Variants in CDH8 observed in about 807,000 individuals in gnomAD.
CDH8 encodes the protein cadherin 8.
Under a neutral mutation model 68.1 loss-of-function variants are expected in CDH8, and 17 were observed. The observed-to-expected ratio is 0.25, with a 90% CI of 0.17 to 0.37. CDH8 has a LOEUF of 0.37. CDH8 is among the 10% of genes least tolerant of loss of function. The pLI is 1.00. For missense variants in CDH8, 763 were observed against 999.3 expected (o/e 0.76, Z 3.19); for synonymous variants, 372 against 365.1 (o/e 1.02, Z -0.21).
chr16:61,788,566 TG>T (rs1005467240), intron 8 of CDH8, among the ~76,000 whole-genome samples: 9 of 152,074 alleles, frequency 5.9e-5, no homozygotes, highest in African/African-American at 2.2e-4. Context: ...TTCCATTTTT[TG>T]TATAATAAAA....
chr16:61,761,341 T>G (rs1195285533), intron 8 of CDH8, among the ~76,000 whole-genome samples: 1 of 152,090 alleles, frequency 6.6e-6, no homozygotes, highest in Non-Finnish European at 1.5e-5. Context: ...GATTTAGGAG[T>G]AAATTGAAGC....
chr16:61,938,693 A>G (rs1964665362), intron 2 of CDH8, among the ~76,000 whole-genome samples: 1 of 152,142 alleles, frequency 6.6e-6, no homozygotes, highest in South Asian at 2.1e-4. Context: ...TTGTCCAAAG[A>G]TCAACATGTT....
intron 3 of CDH8, among the ~76,000 whole-genome samples, chr16:61,875,893 C>T (rs374135313): frequency 1.7e-4 from 26 of 152,178 alleles, no homozygotes; most frequent in African/African-American, 6.3e-4. Flanking sequence ...CCCTCCACCC[C>T]CAAGATGGAG....
At chr16:61,879,005 G>C (rs1457988321) in intron 3 of CDH8, among the ~76,000 whole-genome samples, 3 of 152,094 alleles carry the variant, frequency 2.0e-5, no homozygotes, top group Non-Finnish European at 4.4e-5. Context: ...TTCTATCTGA[G>C]TAAGATTCAC....
intron 10 of CDH8, among the ~76,000 whole-genome samples, chr16:61,705,543 G>A (rs761356847): frequency 6.6e-6 from 1 of 152,064 alleles, no homozygotes; most frequent in Non-Finnish European, 1.5e-5. Context: ...TGAATAGTAT[G>A]GTTCGACATA....
At chr16:61,919,620 G>C (rs1366940427) in intron 2 of CDH8, among the ~76,000 whole-genome samples, 1 of 150,920 alleles carries the variant, frequency 6.6e-6, no homozygotes, top group African/African-American at 2.5e-5. Flanking sequence ...AGAGAAAAAA[G>C]AATAAAAAGA....
rs146265454 is a variant in CDH8 at position 61,959,558 on chromosome 16, G to GTGTGTGTA, written c.253-58086_253-58085insTACACACA. ...TCTCTCTCTCTGTGTGTGTGTGTGT[G>GTGTGTGTA]TATATATATATGTATGTATATAGAG... is the stretch of plus-strand genomic sequence containing the variant. On this transcript the variant is annotated intron_variant, in intron 2 of 11. Coordinates refer to ENST00000577390, the MANE Select transcript of CDH8 (RefSeq NM_001796.5). 3.3e-3 allele frequency among the ~76,000 whole-genome samples: 478 copies of GTGTGTGTA among 145,224 alleles called. 4 individuals are homozygous for GTGTGTGTA. The highest frequency in any genetic ancestry group is 0.012 in the African/African-American group (464 of 38,756).
intron 3 of CDH8, among the ~76,000 whole-genome samples, chr16:61,871,457 C>T (rs1016952752): frequency 1.3e-5 from 2 of 151,812 alleles, no homozygotes; most frequent in African/African-American, 4.8e-5. Flanking sequence ...AGCCACTGTG[C>T]CCAGCCTACC....
At chr16:61,953,385 T>TCACCATGA (rs1964927048) in intron 2 of CDH8, among the ~76,000 whole-genome samples, 1 of 152,226 alleles carries the variant, frequency 6.6e-6, no homozygotes, top group Non-Finnish European at 1.5e-5. Flanking sequence ...ACAGGAACAC[T>TCACCATGA]ATTAATTTAT....
Position 61,782,264 on chromosome 16 carries a change from T to A in CDH8, c.1414+7082A>T, listed in dbSNP as rs528012577. ...CCGCGAGCCGAAGCAGGGCGAGGCA[T>A]TGCCTCACCTGGGAAGCACAAGGGG... is the stretch of plus-strand genomic sequence containing the variant. On this transcript the variant is annotated intron_variant, in intron 8 of 11. Coordinates refer to ENST00000577390, the MANE Select transcript of CDH8 (RefSeq NM_001796.5). Among the ~76,000 whole-genome samples the A allele has an allele frequency of 1.4e-4, 21 of 152,232 alleles. 1 individual carries two copies. The highest frequency in any genetic ancestry group is 4.8e-4 in the African/African-American group (20 of 41,542).
In CDH8 at chr16:61,653,959, T is replaced by C. The variant is rs1419467671; in HGVS notation, c.2049A>G (p.Ala683=). Residue 683 remains alanine, a synonymous_variant, in exon 12 of 12, where the codon GCA becomes GCG. Coordinates refer to ENST00000577390, the MANE Select transcript of CDH8 (RefSeq NM_001796.5). The part of the protein sequence containing the change: ...GEEDTEAFDI[A]TLQNPDGING... ...TAATTCCATCTGGATTTTGTAAAGTTGCAATGTCAAAAGCCTCTGTGTCCT... is the reference window on the plus strand; with the variant it reads ...TAATTCCATCTGGATTTTGTAAAGTCGCAATGTCAAAAGCCTCTGTGTCCT... The C allele has an allele frequency of 6.2e-7, 1 of 1,614,180 alleles. No individual in the cohort carries two copies. Among genetic ancestry groups the C allele is most frequent in the South Asian group, 1.1e-5 (1 of 91,082 alleles).
chr16:61,756,048 C>A (rs150743764), intron 8 of CDH8, among the ~76,000 whole-genome samples: 33 of 152,076 alleles, frequency 2.2e-4, no homozygotes, highest in African/African-American at 7.9e-4. Context: ...CTCAAACTCC[C>A]GGGCTCAAGT....
chr16:62,001,880 A>C (rs909380971), intron 2 of CDH8, among the ~76,000 whole-genome samples: 8 of 152,078 alleles, frequency 5.3e-5, no homozygotes, highest in African/African-American at 1.9e-4. Context: ...TGAGATCTGG[A>C]TAATGTAGGT....
chr16:61,693,581 G>A (rs933260701), intron 10 of CDH8: 1 of 152,240 alleles, frequency 6.6e-6, no homozygotes, highest in African/African-American at 2.4e-5. Context: ...GTATTGCATA[G>A]TGTACTCCCA....
At chr16:61,886,160 G>A (rs997540342) in intron 3 of CDH8, among the ~76,000 whole-genome samples, 3 of 152,040 alleles carry the variant, frequency 2.0e-5, no homozygotes, top group African/African-American at 4.8e-5. Flanking sequence ...AAAAACTTTC[G>A]AGTTTGTTCA....
chr16:61,672,981 C>A (rs1405110143), intron 10 of CDH8, among the ~76,000 whole-genome samples: 1 of 152,068 alleles, frequency 6.6e-6, no homozygotes, highest in Non-Finnish European at 1.5e-5. Context: ...CATCTTTCTA[C>A]ATCACCAAAG....
chr16:61,671,575 C>A (rs1245413458), intron 10 of CDH8, among the ~76,000 whole-genome samples: 1 of 151,858 alleles, frequency 6.6e-6, no homozygotes, highest in Admixed American at 6.6e-5. Context: ...TTAAAACAGC[C>A]TGTCTAAACA....
At position 61,652,607 on chromosome 16, in the gene CDH8, T is replaced by G; in HGVS notation, c.*1001A>C. ...GCCTGCCATACTCATCTCATCAAAA[T>G]GTACATGTATTAAACATTCATTGTA... is the stretch of plus-strand genomic sequence containing the variant. On this transcript the variant is annotated 3_prime_UTR_variant, in exon 12 of 12. Coordinates refer to ENST00000577390, the MANE Select transcript of CDH8 (RefSeq NM_001796.5). 9.8e-7 allele frequency: 1 copy of G among 1,025,176 alleles called. No homozygotes were observed. The highest frequency in any genetic ancestry group is 4.3e-5 in the East Asian group (1 of 23,082). 63.5% of individuals were successfully genotyped at this position (1,025,176 alleles called of 1,614,324 possible). A position where few individuals can be genotyped will look rare whatever the true frequency, so the allele number is the denominator to read the frequency against.
At chr16:61,975,044 T>A (rs540195281) in intron 2 of CDH8, among the ~76,000 whole-genome samples, 1 of 152,240 alleles carries the variant, frequency 6.6e-6, no homozygotes, top group East Asian at 1.9e-4. Flanking sequence ...GGAAAAAAGA[T>A]GTGTATGACC....
Sources: gnomAD v4.1 joint callset for allele counts (sites outside exome capture counted in the v4.1 genomes callset) on GRCh38, gnomAD v4.1.1 for gene constraint, MANE v1.5 for transcripts, NCBI Gene and HGNC (gene_info 2026-07-23, HGNC 2026-07-21) for gene names.